VAV2: variants seen among roughly 807,000 people sequenced by gnomAD.
VAV2 encodes the protein guanine nucleotide exchange factor VAV2.
VAV2 carries 67 observed loss-of-function variants against 132.5 expected under a neutral mutation model. The observed-to-expected ratio is 0.51, with a 90% CI of 0.42 to 0.62. The LOEUF is 0.62. Ranked by LOEUF, VAV2 falls within the 20% of genes least tolerant of loss-of-function variation. The pLI is 0.00. For synonymous variants in VAV2, 492 were observed against 443.5 expected (o/e 1.11, Z -1.37); for missense variants, 938 against 1,153.6 (o/e 0.81, Z 2.71).
At position 133,796,401 on chromosome 9, in the gene VAV2, C is replaced by T. The variant is rs372370171; in HGVS notation, c.1032+28G>A. ...CATCTGACTCCAGCAGTGATGACCC[C>T]GCAGGCACCCGGGGCCCAGAGCCTC... is the stretch of plus-strand genomic sequence containing the variant. On this transcript the variant is annotated intron_variant, in intron 11 of 29. Transcript: ENST00000371850. 9.7e-5 allele frequency: 155 copies of T among 1,600,956 alleles called. 1 individual carries two copies. The South Asian group carries it at 1.5e-3, about 15-fold the overall frequency.
chr9:133,876,020 C>T (rs947340019), intron 2 of VAV2, among the ~76,000 whole-genome samples: 4 of 152,256 alleles, frequency 2.6e-5, no homozygotes, highest in Admixed American at 1.3e-4. Flanking sequence ...CGGACATCGA[C>T]GCTCGTCGTT....
chr9:133,986,278 T>C (rs1842854430), intron 1 of VAV2, among the ~76,000 whole-genome samples: 1 of 152,156 alleles, frequency 6.6e-6, no homozygotes, highest in South Asian at 2.1e-4. Context: ...TACAGTTGCG[T>C]GACCTGACGC....
chr9:133,955,808 C>T (rs1841753764), intron 1 of VAV2, among the ~76,000 whole-genome samples: 1 of 56,822 alleles, frequency 1.8e-5, no homozygotes, highest in Non-Finnish European at 3.3e-5. Flanking sequence ...ACTCCCACTC[C>T]TACTCCTCCC....
In VAV2 at chr9:133,932,328, G is replaced by A. The variant is rs1015248508; in HGVS notation, c.321+6775C>T. Among the ~76,000 whole-genome samples the A allele has an allele frequency of 8.5e-5, 13 of 152,334 alleles. No individual in the cohort carries two copies. The East Asian group carries it at 2.1e-3, about 25-fold the overall frequency. On this transcript the variant is annotated intron_variant, in intron 2 of 29. Transcript: ENST00000371850. ...AACGGCTCCCATCAGCAAGGGCTGC[G>A]GACTCACCCTTCACGCTCGGCCATA... is the stretch of plus-strand genomic sequence containing the variant.
At chr9:133,939,663 T>C (rs1442714971) in intron 1 of VAV2, among the ~76,000 whole-genome samples, 2 of 152,222 alleles carry the variant, frequency 1.3e-5, no homozygotes, top group Non-Finnish European at 2.9e-5. Flanking sequence ...TGGGGCAGAA[T>C]ATGCAAGCCT....
chr9:133,955,935 C>A (rs994456675), intron 1 of VAV2, among the ~76,000 whole-genome samples: 1 of 150,464 alleles, frequency 6.6e-6, no homozygotes, highest in Non-Finnish European at 1.5e-5. Flanking sequence ...AAAGGCACGG[C>A]CCCTGCTGGA....
In VAV2 at chr9:133,935,749, G is replaced by A. The variant is rs1840885366; in HGVS notation, c.321+3354C>T. ...GCTGACCACAGCTTGACCACGGTAGGAAAAACATCCAGGGAAGGAAGCAAG... is the reference window on the plus strand; with the variant it reads ...GCTGACCACAGCTTGACCACGGTAGAAAAAACATCCAGGGAAGGAAGCAAG... On this transcript the variant is annotated intron_variant, in intron 2 of 29. Coordinates refer to ENST00000371850, the MANE Select transcript of VAV2 (RefSeq NM_001134398.2). This position sits in a 1 kb window ranked among gnomAD's most constrained non-coding sequence, Gnocchi z 5.2. Among the ~76,000 whole-genome samples the A allele has an allele frequency of 6.6e-6, 1 of 152,232 alleles. No individual in the cohort carries two copies. The highest frequency in any genetic ancestry group is 2.4e-5 in the African/African-American group (1 of 41,454).
At chr9:133,775,957 G>T in intron 24 of VAV2, 71 bp downstream of exon 24, 1 of 1,533,874 alleles carries the variant, frequency 6.5e-7, no homozygotes, top group East Asian at 2.4e-5. Flanking sequence ...GCACCACCCA[G>T]ACCCGGCGGG....
Position 133,908,656 on chromosome 9 carries a change from A to G in VAV2, c.321+30447T>C, listed in dbSNP as rs79522032. 7.9e-3 allele frequency among the ~76,000 whole-genome samples: 1,199 copies of G among 152,354 alleles called. 20 individuals carry two copies. Among genetic ancestry groups the G allele is most frequent in the African/African-American group, 0.027 (1,123 of 41,586 alleles). ...TGAACCTAACGGCCCAGGAAGACTC[A>G]GGGAGTGGAAGGCAGCAGGCTGTAG... On this transcript the variant is annotated intron_variant, in intron 2 of 29. Coordinates refer to ENST00000371850, the MANE Select transcript of VAV2 (RefSeq NM_001134398.2).
At chr9:133,818,654 A>AT (rs1835664415) in intron 4 of VAV2, among the ~76,000 whole-genome samples, 1 of 152,138 alleles carries the variant, frequency 6.6e-6, no homozygotes, top group South Asian at 2.1e-4. Flanking sequence ...GGCCTCCATA[A>AT]TTGCATAAGC....
At chr9:133,927,448 C>G (rs976410245) in intron 2 of VAV2, among the ~76,000 whole-genome samples, 14 of 152,340 alleles carry the variant, frequency 9.2e-5, no homozygotes, top group African/African-American at 3.4e-4. Context: ...CCCAGAGGCT[C>G]TTGTCCCGAT....
Position 133,961,289 on chromosome 9 carries a change from G to A in VAV2, c.205-22070C>T, listed in dbSNP as rs762891066. 6.6e-6 allele frequency among the ~76,000 whole-genome samples: 1 copy of A among 152,230 alleles called. No individual in the cohort carries two copies. The highest frequency in any genetic ancestry group is 1.5e-5 in the Non-Finnish European group (1 of 68,046). Reference sequence around the variant, plus strand: ...CAGAGCAGACCTCCCAGGGACCCCCGGCCAGGACTCAAGCCGGCCAATGAG... The same window carrying A: ...CAGAGCAGACCTCCCAGGGACCCCCAGCCAGGACTCAAGCCGGCCAATGAG... On this transcript the variant is annotated intron_variant, in intron 1 of 29. Coordinates refer to ENST00000371850, the MANE Select transcript of VAV2 (RefSeq NM_001134398.2). This position sits in a 1 kb window ranked among gnomAD's most constrained non-coding sequence, Gnocchi z 4.1.
chr9:133,841,465 C>G (rs1337027009), intron 3 of VAV2, among the ~76,000 whole-genome samples: 1 of 152,096 alleles, frequency 6.6e-6, no homozygotes, highest in Admixed American at 6.6e-5. Flanking sequence ...TGGGGACAAC[C>G]ACCACCTCAG....
chr9:133,899,160 G>T (rs1298282395), intron 2 of VAV2, among the ~76,000 whole-genome samples: 1 of 151,682 alleles, frequency 6.6e-6, no homozygotes, highest in Non-Finnish European at 1.5e-5. Context: ...CAGAGAGTTT[G>T]TGGGTATCTT....
chr9:133,774,908 C>G, intron 25 of VAV2, 27 bp downstream of exon 25: 1 of 1,595,002 alleles, frequency 6.3e-7, no homozygotes, highest in Non-Finnish European at 8.6e-7. Flanking sequence ...GGGGATGGGT[C>G]TCCTCGAGCC....
At chr9:133,849,149 G>A (rs968327168) in intron 3 of VAV2, among the ~76,000 whole-genome samples, 1 of 152,068 alleles carries the variant, frequency 6.6e-6, no homozygotes, top group African/African-American at 2.4e-5. Flanking sequence ...ACAGGAGTTG[G>A]AAAGGGCTTC....
chr9:133,829,071 T>G (rs1223247364), intron 4 of VAV2, among the ~76,000 whole-genome samples: 1 of 152,194 alleles, frequency 6.6e-6, no homozygotes, highest in African/African-American at 2.4e-5. Context: ...GACCCCAGGC[T>G]GGGAGCCCCC....
chr9:133,937,342 C>T (rs1212265095), intron 2 of VAV2, among the ~76,000 whole-genome samples: 1 of 150,392 alleles, frequency 6.6e-6, no homozygotes, highest in South Asian at 2.1e-4. Flanking sequence ...ACATGGAAGA[C>T]GGGTTCAAGT....
chr9:133,925,291 A>G (rs1432993996), intron 2 of VAV2, among the ~76,000 whole-genome samples: 1 of 152,146 alleles, frequency 6.6e-6, no homozygotes, highest in Non-Finnish European at 1.5e-5. Context: ...ATCTTGGGAC[A>G]CTGCAACCTC....
Sources: allele counts gnomAD v4.1 joint callset (sites outside exome capture counted in the v4.1 genomes callset), GRCh38; gene constraint gnomAD v4.1.1; non-coding constraint Gnocchi (gnomAD v3.1); transcripts MANE v1.5; gene names NCBI Gene and HGNC (gene_info 2026-07-23, HGNC 2026-07-21).